SLC2A13: variants seen among roughly 807,000 people sequenced by gnomAD.
The protein encoded by SLC2A13 is proton myo-inositol cotransporter.
SLC2A13 carries 32 observed loss-of-function variants against 64.4 expected under a neutral mutation model. That is an observed-to-expected ratio of 0.50 (90% confidence interval 0.37 to 0.67). The LOEUF (loss-of-function observed/expected upper bound fraction) is 0.67. Among genes scored for constraint, SLC2A13 ranks in the 30% least tolerant of loss-of-function variants. The probability of loss-of-function intolerance (pLI) is 0.00; values close to 1 mark genes in which losing one functional copy is unlikely to be tolerated. For synonymous variants in SLC2A13, 338 were observed against 327.1 expected (o/e 1.03, Z -0.36); for missense variants, 743 against 829.2 (o/e 0.90, Z 1.28).
chr12:39,819,040 C>A (rs922261701), intron 7 of SLC2A13, among the ~76,000 whole-genome samples: 1 of 152,082 alleles, frequency 6.6e-6, no homozygotes, highest in Non-Finnish European at 1.5e-5. Context: ...TTCAGACAAC[C>A]GCTTGCACCC....
At position 39,783,735 on chromosome 12, in the gene SLC2A13, G is replaced by GT. The variant is rs566684467; in HGVS notation, c.1446-18878dup. Among the ~76,000 whole-genome samples the GT allele has an allele frequency of 7.8e-4, 118 of 152,200 alleles. 1 individual carries two copies. Among genetic ancestry groups the GT allele is most frequent in the African/African-American group, 2.8e-3 (116 of 41,524 alleles). On this transcript the variant is annotated intron_variant, in intron 7 of 9. Coordinates refer to ENST00000280871, the MANE Select transcript of SLC2A13 (RefSeq NM_052885.4). ...GGGTTGTTTGTTTTCTTGTAAATTT[G>GT]TTTGAGTTCTTTGTAGATTCTGGAT...
At chr12:39,911,831 G>C (rs1307572844) in intron 4 of SLC2A13, among the ~76,000 whole-genome samples, 1 of 152,098 alleles carries the variant, frequency 6.6e-6, no homozygotes, top group South Asian at 2.1e-4. Flanking sequence ...GGAGAGAACA[G>C]ACAGGGTAGG....
At chr12:39,925,667 T>C (rs1374204401) in intron 4 of SLC2A13, among the ~76,000 whole-genome samples, 1 of 152,184 alleles carries the variant, frequency 6.6e-6, no homozygotes, top group Non-Finnish European at 1.5e-5. Context: ...TTCATGTCAA[T>C]TATTTTAGTT....
intron 3 of SLC2A13, among the ~76,000 whole-genome samples, chr12:39,970,445 A>T (rs1469076596): frequency 2.0e-5 from 3 of 152,136 alleles, no homozygotes; most frequent in Non-Finnish European, 4.4e-5. Flanking sequence ...ATATCCTTAG[A>T]TGATTCTTTT....
chr12:39,813,818 A>C (rs986393295), intron 7 of SLC2A13, among the ~76,000 whole-genome samples: 3 of 152,192 alleles, frequency 2.0e-5, no homozygotes, highest in Admixed American at 2.0e-4. Context: ...AAAAAGATGT[A>C]ATTGGGAATA....
At chr12:40,085,653 G>A (rs1480195098) in intron 1 of SLC2A13, among the ~76,000 whole-genome samples, 3 of 152,094 alleles carry the variant, frequency 2.0e-5, no homozygotes, top group Non-Finnish European at 4.4e-5. Context: ...TTGCAGAAGG[G>A]GCCTAAGTAG....
rs1940057067 is a variant in SLC2A13 at position 39,759,402 on chromosome 12, T to TCAGTATCTGAAGAACTCC, written c.*606_*623dup. The TCAGTATCTGAAGAACTCC allele has an allele frequency of 6.6e-6, 1 of 152,158 alleles. No homozygotes were observed. The highest frequency in any genetic ancestry group is 2.4e-5 in the African/African-American group (1 of 41,358). 9.4% of individuals were successfully genotyped at this position (152,158 alleles called of 1,614,324 possible). ...AATGTTCAAAAGATAGTGTGCAGAG[T>TCAGTATCTGAAGAACTCC]CAGTATCTGAAGAACTCCCAATATC... On this transcript the variant is annotated 3_prime_UTR_variant, in exon 10 of 10. Coordinates refer to ENST00000280871, the MANE Select transcript of SLC2A13 (RefSeq NM_052885.4).
chr12:39,919,884 G>T (rs1337171845), intron 4 of SLC2A13, among the ~76,000 whole-genome samples: 1 of 151,990 alleles, frequency 6.6e-6, no homozygotes, highest in Non-Finnish European at 1.5e-5. Context: ...GCTTACCTCC[G>T]CATTCTTTCA....
At chr12:40,051,493 G>T (rs146083151) in intron 1 of SLC2A13, among the ~76,000 whole-genome samples, 1 of 152,264 alleles carries the variant, frequency 6.6e-6, no homozygotes, top group Admixed American at 6.5e-5. Flanking sequence ...CTCTGTTCTC[G>T]TGGAGCTTAG....
chr12:39,937,526 A>T (rs1945937555), intron 4 of SLC2A13, among the ~76,000 whole-genome samples: 1 of 152,092 alleles, frequency 6.6e-6, no homozygotes, highest in Non-Finnish European at 1.5e-5. Context: ...TGCTATTTCA[A>T]CTCATTAACA....
intron 4 of SLC2A13, among the ~76,000 whole-genome samples, chr12:39,881,329 A>T (rs1189822829): frequency 7.0e-6 from 1 of 142,090 alleles, no homozygotes; most frequent in Admixed American, 6.9e-5. Flanking sequence ...GGTTTATGTT[A>T]AAAAAAAAAC....
At chr12:40,066,478 T>C (rs946758725) in intron 1 of SLC2A13, among the ~76,000 whole-genome samples, 1 of 152,186 alleles carries the variant, frequency 6.6e-6, no homozygotes, top group Non-Finnish European at 1.5e-5. Flanking sequence ...TAGGAAAAGA[T>C]GTCCCACTAT....
At chr12:40,027,398 A>G (rs1947831822) in intron 3 of SLC2A13, among the ~76,000 whole-genome samples, 1 of 152,222 alleles carries the variant, frequency 6.6e-6, no homozygotes, top group Non-Finnish European at 1.5e-5. Flanking sequence ...GCATCATGCT[A>G]TCATGCTACA....
intron 6 of SLC2A13, among the ~76,000 whole-genome samples, chr12:39,857,128 G>GT (rs1025419905): frequency 1.3e-5 from 2 of 152,176 alleles, no homozygotes; most frequent in African/African-American, 2.4e-5. Context: ...AGAGATACAT[G>GT]TTTTTCCCCC....
chr12:40,037,761 G>GT (rs1231223311), intron 2 of SLC2A13, among the ~76,000 whole-genome samples: 3 of 151,936 alleles, frequency 2.0e-5, no homozygotes, highest in Non-Finnish European at 4.4e-5. Flanking sequence ...TTTTTGGTAA[G>GT]TTGTGATTGT....
chr12:40,062,523 A>G (rs1240988727), intron 1 of SLC2A13, among the ~76,000 whole-genome samples: 5 of 152,132 alleles, frequency 3.3e-5, no homozygotes, highest in Admixed American at 2.6e-4. Context: ...AAAAAATAGA[A>G]GAAGACGTTT....
chr12:40,065,891 C>G (rs568036676), intron 1 of SLC2A13, among the ~76,000 whole-genome samples: 2 of 152,250 alleles, frequency 1.3e-5, no homozygotes, highest in South Asian at 4.1e-4. Context: ...ATTTTACAAC[C>G]AGCTATAACA....
intron 3 of SLC2A13, among the ~76,000 whole-genome samples, chr12:39,955,281 T>C (rs1410499318): frequency 6.6e-6 from 1 of 152,104 alleles, no homozygotes; most frequent in African/African-American, 2.4e-5. Flanking sequence ...AGTAAGAATA[T>C]AAAGCTGAAA....
At chr12:39,919,846 A>G (rs1694758316) in intron 4 of SLC2A13, among the ~76,000 whole-genome samples, 1 of 152,124 alleles carries the variant, frequency 6.6e-6, no homozygotes, top group African/African-American at 2.4e-5. Context: ...TGACTGGATG[A>G]TTAGGTAGCT....
Sources: gnomAD v4.1 joint callset for allele counts (sites outside exome capture counted in the v4.1 genomes callset) on GRCh38, gnomAD v4.1.1 for gene constraint, MANE v1.5 for transcripts, NCBI Gene and HGNC (gene_info 2026-07-23, HGNC 2026-07-21) for gene names.